The following C12orf42 variants were observed in gnomAD, a reference collection of about 807,000 sequenced individuals.
The protein encoded by C12orf42 is chromosome 12 open reading frame 42.
A neutral mutation model predicts 21.6 loss-of-function variants in C12orf42; 25 were observed. That is an observed-to-expected ratio of 1.16 (90% CI 0.84 to 1.62). The LOEUF (loss-of-function observed/expected upper bound fraction) is 1.62. C12orf42 is among the 40% of genes most tolerant of loss of function. C12orf42 has a pLI of 0.00. For missense variants in C12orf42, 483 were observed against 459.3 expected (o/e 1.05, Z -0.47); for synonymous variants, 174 against 175.0 (o/e 0.99, Z 0.05).
intron 2 of C12orf42, among the ~76,000 whole-genome samples, chr12:103,477,379 GCCA>G (rs1163323055): frequency 2.0e-5 from 3 of 152,066 alleles, no homozygotes; most frequent in Non-Finnish European, 4.4e-5. Flanking sequence ...TGGTAATGTG[GCCA>G]CAGTAAAGTA....
At chr12:103,239,191 C>T (rs2033607352) in intron 10 of C12orf42, among the ~76,000 whole-genome samples, 2 of 152,198 alleles carry the variant, frequency 1.3e-5, no homozygotes, top group South Asian at 4.1e-4. Flanking sequence ...CATGTAAAGA[C>T]TTAAAATACT....
chr12:103,384,263 AAG>A (rs2046420460), intron 3 of C12orf42, among the ~76,000 whole-genome samples: 1 of 151,312 alleles, frequency 6.6e-6, no homozygotes, highest in Non-Finnish European at 1.5e-5. Flanking sequence ...TTCAAAAAAA[AAG>A]TGGGGGGTGC....
Position 103,302,084 on chromosome 12 carries a change from C to T in C12orf42, c.*24G>A, listed in dbSNP as rs150802394. On this transcript the variant is annotated 3_prime_UTR_variant, in exon 6 of 6. Coordinates refer to ENST00000548883, the MANE Select transcript of C12orf42 (RefSeq NM_198521.5). Reference sequence around the variant, plus strand: ...CATTGATTTGAAGATGGGCAGCACTCGCCGAACAATTCCCTCGCAGCGGTC... The same window carrying T: ...CATTGATTTGAAGATGGGCAGCACTTGCCGAACAATTCCCTCGCAGCGGTC... The T allele has an allele frequency of 4.3e-4, 693 of 1,595,326 alleles. 4 individuals carry two copies. The African/African-American group carries it at 8.1e-3, about 19-fold the overall frequency.
At chr12:103,549,713 C>T in the C12orf42 span, 1 of 152,134 alleles carries the variant, frequency 6.6e-6, no homozygotes, top group East Asian at 1.9e-4. Flanking sequence ...CAGCTTTTCA[C>T]TCACAATGGC....
At chr12:103,087,604 T>A in the C12orf42 span, among the ~76,000 whole-genome samples, 1 of 152,250 alleles carries the variant, frequency 6.6e-6, no homozygotes, top group African/African-American at 2.4e-5. Context: ...ATAATAACAC[T>A]TACTGAGCAC....
chr12:103,309,463 T>C (rs1012767525), intron 4 of C12orf42, among the ~76,000 whole-genome samples: 2 of 152,210 alleles, frequency 1.3e-5, no homozygotes, highest in African/African-American at 4.8e-5. Context: ...TAATTGACTA[T>C]GTTATCAATA....
rs1042735722 is a variant in C12orf42 at position 103,248,700 on chromosome 12, G to A, written c.*1367-10798C>T. On this transcript the variant is annotated intron_variant and NMD_transcript_variant, in intron 10 of 10. Coordinates refer to the C12orf42 transcript ENST00000547347. Reference sequence around the variant, plus strand: ...AGCCTTCTGGGAATCAAATAGAAATGGAATAGGATCCTAGTCCAACACCCT... The same window carrying A: ...AGCCTTCTGGGAATCAAATAGAAATAGAATAGGATCCTAGTCCAACACCCT... Among the ~76,000 whole-genome samples the A allele has an allele frequency of 1.2e-4, 18 of 152,106 alleles. No individual in the cohort carries two copies. In the South Asian group the frequency reaches 3.7e-3, roughly 31 times the overall value.
chr12:103,383,443 G>A (rs1366196394), intron 3 of C12orf42, among the ~76,000 whole-genome samples: 1 of 152,078 alleles, frequency 6.6e-6, no homozygotes, highest in Middle Eastern at 3.2e-3. Context: ...ATAATATTAA[G>A]AATGCATTGA....
At chr12:103,288,667 T>C (rs1358704053) in intron 4 of C12orf42, among the ~76,000 whole-genome samples, 1 of 152,178 alleles carries the variant, frequency 6.6e-6, no homozygotes, top group Non-Finnish European at 1.5e-5. Flanking sequence ...GTTAGACGTG[T>C]AAAAGATTTT....
chr12:103,503,088 G>T, the C12orf42 span, among the ~76,000 whole-genome samples: 2 of 152,220 alleles, frequency 1.3e-5, no homozygotes, highest in Non-Finnish European at 2.9e-5. Context: ...GAACAGTTAT[G>T]ATCATACAAG....
At chr12:103,068,890 G>T in the C12orf42 span, among the ~76,000 whole-genome samples, 2,544 of 111,676 alleles carry the variant, frequency 0.023, 77 homozygotes, top group African/African-American at 0.06. Flanking sequence ...TATATATATA[G>T]ATAGATAGAT....
At chr12:103,116,224 C>G in the C12orf42 span, among the ~76,000 whole-genome samples, 1 of 151,680 alleles carries the variant, frequency 6.6e-6, no homozygotes, top group South Asian at 2.1e-4. Context: ...ATTAGCCAGG[C>G]GTGGTGACAC....
At chr12:103,190,071 G>A in the C12orf42 span, among the ~76,000 whole-genome samples, 1 of 152,084 alleles carries the variant, frequency 6.6e-6, no homozygotes, top group Admixed American at 6.6e-5. Flanking sequence ...ATAGGAGTCT[G>A]CAAATTGGGG....
chr12:103,393,421 C>A lies in C12orf42; in HGVS notation c.147+8186G>T, dbSNP rs116916180. ...GTACCAAGCGATGAGGGATCCACGT[C>A]CATAACCCAAACACCTCCCACCAGT... On this transcript the variant is annotated intron_variant, in intron 3 of 5. Transcript: ENST00000548883. Among the ~76,000 whole-genome samples the A allele has an allele frequency of 7.1e-3, 1,076 of 152,250 alleles. 12 individuals are homozygous for A. The highest frequency in any genetic ancestry group is 0.029 in the South Asian group (142 of 4,820).
chr12:103,346,715 T>C lies in C12orf42; in HGVS notation c.259+22172A>G, dbSNP rs75571370. Among the ~76,000 whole-genome samples, 507 of 152,260 alleles carry C rather than the reference T, an allele frequency of 3.3e-3. 3 individuals carry two copies. The highest frequency in any genetic ancestry group is 6.8e-3 in the Middle Eastern group (2 of 294). On this transcript the variant is annotated intron_variant, in intron 4 of 5. Transcript: ENST00000548883. The stretch of plus-strand genomic sequence containing the variant: ...TAAGCAGAATCCTTCCGCAACTGAG[T>C]GACATGGTTGCACTACAATACGCCA...
chr12:103,140,534 C>T, the C12orf42 span, among the ~76,000 whole-genome samples: 3 of 152,088 alleles, frequency 2.0e-5, no homozygotes, highest in Non-Finnish European at 4.4e-5. Context: ...GCAAAAGAGT[C>T]GGAGGTCTGT....
At chr12:103,404,328 ATTG>A (rs2048269064) in intron 2 of C12orf42, among the ~76,000 whole-genome samples, 1 of 152,204 alleles carries the variant, frequency 6.6e-6, no homozygotes, top group Admixed American at 6.5e-5. Context: ...CAAAAATGCT[ATTG>A]TAATCAACAA....
chr12:103,183,302 G>A, the C12orf42 span, among the ~76,000 whole-genome samples: 2,319 of 152,256 alleles, frequency 0.015, 68 homozygotes, highest in African/African-American at 0.052. Flanking sequence ...GGGTGGTCTC[G>A]ATCTCTTGAT....
chr12:103,418,044 G>A (rs2049522333), intron 2 of C12orf42, among the ~76,000 whole-genome samples: 1 of 152,034 alleles, frequency 6.6e-6, no homozygotes, highest in Admixed American at 6.5e-5. Flanking sequence ...TCTACCCTAC[G>A]GCCAAGAGCT....
Sources: allele counts gnomAD v4.1 joint callset (sites outside exome capture counted in the v4.1 genomes callset), GRCh38; gene constraint gnomAD v4.1.1; transcripts MANE v1.5; gene names NCBI Gene and HGNC (gene_info 2026-07-23, HGNC 2026-07-21).